PCCA: variants seen among roughly 807,000 people sequenced by gnomAD.
PCCA encodes propionyl-CoA carboxylase alpha chain, mitochondrial.
PCCA carries 74 observed loss-of-function variants against 101.3 expected under a neutral mutation model. The observed-to-expected ratio is 0.73, with a 90% CI of 0.61 to 0.89. The LOEUF (loss-of-function observed/expected upper bound fraction) is 0.89. PCCA is among the 40% of genes least tolerant of loss of function. PCCA has a pLI of 0.00. For missense variants in PCCA, 891 were observed against 907.0 expected, an observed-to-expected ratio of 0.98 and a Z score of 0.23; for synonymous variants, 294 against 313.6, an observed-to-expected ratio of 0.94 and a Z score of 0.66.
At chr13:100,094,865 G>C (rs763919431) in intron 1 of PCCA, among the ~76,000 whole-genome samples, 2 of 152,214 alleles carry the variant, frequency 1.3e-5, no homozygotes, top group Non-Finnish European at 2.9e-5. Context: ...TGGGATTACA[G>C]ATGTGAGCCA....
intron 4 of PCCA, among the ~76,000 whole-genome samples, chr13:100,123,295 T>C (rs2049603219): frequency 6.6e-6 from 1 of 152,304 alleles, no homozygotes; most frequent in South Asian, 2.1e-4. Context: ...CCTCAGGTGA[T>C]CCACCCTCCT....
chr13:100,222,151 C>T (rs1451436922), intron 7 of PCCA, among the ~76,000 whole-genome samples: 2 of 152,156 alleles, frequency 1.3e-5, no homozygotes, highest in Admixed American at 1.3e-4. Flanking sequence ...AGCGATTCTC[C>T]TGCCTCAGCC....
chr13:100,262,653 A>T, intron 9 of PCCA, 76 bp from the exon 10 acceptor site: 1 of 752,908 alleles, frequency 1.3e-6, no homozygotes, highest in Non-Finnish European at 2.4e-6. Flanking sequence ...TGTTAGTCTG[A>T]CTCTTCTTCT....
chr13:100,444,961 G>A (rs1052387063), intron 20 of PCCA, among the ~76,000 whole-genome samples: 5 of 152,120 alleles, frequency 3.3e-5, no homozygotes, highest in African/African-American at 7.2e-5. Flanking sequence ...AGGAATACCC[G>A]AGACTGGATA....
rs794727620 is a variant in PCCA, at chr13:100,111,992, G to A, written c.232-1G>A. On this transcript the variant is annotated splice_acceptor_variant, in intron 3 of 23. Transcript: ENST00000376285. LOFTEE classifies it high-confidence loss of function. ...ATAGACATTAATATATTTTAAAATA[G>A]GTTATTAGAACTTGCAAGAAGATGG... 4.4e-6 allele frequency: 7 copies of A among 1,601,800 alleles called. No individual in the cohort carries two copies. The Admixed American group carries it at 1.2e-4, about 27-fold the overall frequency.
chr13:100,530,293 C>G lies in PCCA; in HGVS notation c.*127C>G. The G allele has an allele frequency of 1.3e-6, 1 of 797,616 alleles. No homozygotes were observed. Among genetic ancestry groups the G allele is most frequent in the Non-Finnish European group, 2.2e-6 (1 of 460,232 alleles). 49.4% of individuals were successfully genotyped at this position (797,616 alleles called of 1,614,324 possible). A position where few individuals can be genotyped will look rare whatever the true frequency, so the allele number is the denominator to read the frequency against. ...GCTACGTTTACGTCGTCATTTATTCCACAGAGTCAAGACCAATATTCTGCC... is the reference window on the plus strand; with the variant it reads ...GCTACGTTTACGTCGTCATTTATTCGACAGAGTCAAGACCAATATTCTGCC... On this transcript the variant is annotated 3_prime_UTR_variant, in exon 24 of 24. Transcript: ENST00000376285.
intron 9 of PCCA, among the ~76,000 whole-genome samples, chr13:100,261,629 C>T (rs7991183): frequency 0.7 from 106,799 of 151,868 alleles, 38,028 homozygotes; most frequent in Middle Eastern, 0.78. Context: ...CCCAAGTTTG[C>T]GTTTTGAAAA....
chr13:100,144,476 C>G (rs564003686), intron 4 of PCCA, among the ~76,000 whole-genome samples: 2 of 152,246 alleles, frequency 1.3e-5, no homozygotes, highest in Non-Finnish European at 2.9e-5. Context: ...GGTATGATCA[C>G]TTTCATGTAC....
chr13:100,469,687 G>T (rs1289622747), intron 21 of PCCA, among the ~76,000 whole-genome samples: 1 of 151,968 alleles, frequency 6.6e-6, no homozygotes, highest in African/African-American at 2.4e-5. Flanking sequence ...GGTTGAGGCA[G>T]GAGAATCGCT....
At chr13:100,152,851 A>C (rs1175040001) in intron 4 of PCCA, among the ~76,000 whole-genome samples, 1 of 152,238 alleles carries the variant, frequency 6.6e-6, no homozygotes. Flanking sequence ...TATCATTACG[A>C]AAGTGTATTT....
chr13:100,110,680 G>T (rs1310202264), intron 2 of PCCA, among the ~76,000 whole-genome samples: 1 of 152,192 alleles, frequency 6.6e-6, no homozygotes, highest in African/African-American at 2.4e-5. Flanking sequence ...TCCCAACAGA[G>T]ATAGCAGATA....
chr13:100,235,630 CTTTGAG>C (rs1380704188), intron 7 of PCCA, among the ~76,000 whole-genome samples: 1 of 152,142 alleles, frequency 6.6e-6, no homozygotes, highest in Non-Finnish European at 1.5e-5. Context: ...ATTTCAACTG[CTTTGAG>C]TTTCTTAATA....
chr13:100,433,040 G>T (rs1017128699), intron 20 of PCCA, among the ~76,000 whole-genome samples: 1 of 152,130 alleles, frequency 6.6e-6, no homozygotes, highest in Non-Finnish European at 1.5e-5. Context: ...CCATTCCTCT[G>T]TCAACGGACA....
chr13:100,387,829 C>G (rs1478801770), intron 19 of PCCA, among the ~76,000 whole-genome samples: 1 of 152,166 alleles, frequency 6.6e-6, no homozygotes, highest in Non-Finnish European at 1.5e-5. Flanking sequence ...TGCACCTGTA[C>G]CCTCTTGAAT....
intron 6 of PCCA, among the ~76,000 whole-genome samples, chr13:100,163,895 G>GT (rs1391598005): frequency 2.0e-5 from 3 of 151,742 alleles, no homozygotes; most frequent in Non-Finnish European, 2.9e-5. Flanking sequence ...ATTTTTCAGT[G>GT]TTTTTTCTAG....
chr13:100,196,168 T>C (rs2058090193), intron 6 of PCCA, among the ~76,000 whole-genome samples: 1 of 152,176 alleles, frequency 6.6e-6, no homozygotes, highest in African/African-American at 2.4e-5. Flanking sequence ...ATAGTTTGTT[T>C]GTTGAAATGG....
At chr13:100,308,646 A>G (rs1317792057) in intron 15 of PCCA, among the ~76,000 whole-genome samples, 1 of 152,234 alleles carries the variant, frequency 6.6e-6, no homozygotes, top group African/African-American at 2.4e-5. Context: ...GTAGTATTAA[A>G]ATAAAATTTA....
intron 19 of PCCA, among the ~76,000 whole-genome samples, chr13:100,386,437 A>G (rs1202678751): frequency 6.6e-6 from 1 of 151,992 alleles, no homozygotes; most frequent in Non-Finnish European, 1.5e-5. Flanking sequence ...GCTGGGGTGC[A>G]GTGGCGCGAT....
chr13:100,264,459 G>A (rs1006894511), intron 10 of PCCA, among the ~76,000 whole-genome samples: 14 of 152,102 alleles, frequency 9.2e-5, no homozygotes, highest in Non-Finnish European at 1.8e-4. Flanking sequence ...TGATGTCAGA[G>A]ATTAGTTCTT....
Sources: allele counts gnomAD v4.1 joint callset (sites outside exome capture counted in the v4.1 genomes callset), GRCh38; gene constraint gnomAD v4.1.1; transcripts MANE v1.5; gene names NCBI Gene and HGNC (gene_info 2026-07-23, HGNC 2026-07-21).